The following TMEM132D variants were observed in gnomAD, a reference collection of about 807,000 sequenced individuals.
TMEM132D encodes the protein transmembrane protein 132D.
In TMEM132D, 21 loss-of-function variants were observed where a neutral mutation model predicts 62.3. The ratio of observed to expected loss-of-function variants is 0.34; its 90% confidence interval spans 0.24 to 0.49. TMEM132D has a LOEUF of 0.49. Among genes scored for constraint, TMEM132D ranks in the 20% least tolerant of loss-of-function variants. TMEM132D has a pLI of 0.99. For synonymous variants in TMEM132D, 621 were observed against 575.6 expected, an observed-to-expected ratio of 1.08 and a Z score of -1.13; for missense variants, 1,346 against 1,402.8, an observed-to-expected ratio of 0.96 and a Z score of 0.65.
In TMEM132D at chr12:129,616,378, CCTT is replaced by C. The variant is rs369420820; in HGVS notation, c.968+83429_968+83431del. On this transcript the variant is annotated intron_variant, in intron 2 of 8. Transcript: ENST00000422113. ...GACACCATGACTGAGGGGTCTTTGG[CCTT>C]CTTTTTCATTGAGGGGCACAGTGGT... Among the ~76,000 whole-genome samples the C allele has an allele frequency of 7.8e-4, 119 of 152,124 alleles. No individual in the cohort carries two copies. The East Asian group carries it at 0.018, about 23-fold the overall frequency.
intron 3 of TMEM132D, among the ~76,000 whole-genome samples, chr12:129,455,862 AG>A (rs996675633): frequency 1.3e-5 from 2 of 152,220 alleles, no homozygotes; most frequent in African/African-American, 2.4e-5. Context: ...GGAGCCAGAG[AG>A]TTTTAATACA....
intron 2 of TMEM132D, among the ~76,000 whole-genome samples, chr12:129,616,096 CT>C (rs1256277082): frequency 6.6e-6 from 1 of 152,214 alleles, no homozygotes; most frequent in Non-Finnish European, 1.5e-5. Context: ...CACTTTTATT[CT>C]ACTTCCTTGT....
chr12:129,086,853 AT>A (rs1296199388), intron 5 of TMEM132D, among the ~76,000 whole-genome samples: 2 of 151,816 alleles, frequency 1.3e-5, no homozygotes, highest in Non-Finnish European at 2.9e-5. Context: ...CAATGTAATG[AT>A]TTTTCTTTTC....
At chr12:129,395,519 G>A (rs1238770370) in intron 3 of TMEM132D, among the ~76,000 whole-genome samples, 2 of 151,930 alleles carry the variant, frequency 1.3e-5, no homozygotes, top group Admixed American at 6.6e-5. Context: ...TCACTGCAAC[G>A]TTTTATCCTA....
chr12:129,158,993 G>C (rs1877322363), intron 5 of TMEM132D, among the ~76,000 whole-genome samples: 1 of 152,178 alleles, frequency 6.6e-6, no homozygotes, highest in Admixed American at 6.5e-5. Context: ...TCACAAGAAT[G>C]CATGGGAGAA....
chr12:129,878,958 C>T, intron 1 of TMEM132D, among the ~76,000 whole-genome samples: 1 of 152,202 alleles, frequency 6.6e-6, no homozygotes, highest in South Asian at 2.1e-4. Flanking sequence ...GCCCTCCAGC[C>T]TAGAGAGGGC....
chr12:129,144,407 G>C (rs905798306), intron 5 of TMEM132D, among the ~76,000 whole-genome samples: 15 of 152,252 alleles, frequency 9.9e-5, no homozygotes, highest in African/African-American at 3.4e-4. Context: ...TAAGAACAGA[G>C]GCTTGGTAAG....
At chr12:129,807,646 C>A (rs1872036086) in intron 1 of TMEM132D, among the ~76,000 whole-genome samples, 1 of 152,166 alleles carries the variant, frequency 6.6e-6, no homozygotes. Flanking sequence ...TTGTTAACAT[C>A]TGTCTTCCGA....
At chr12:129,703,696 G>T (rs1362008085) in intron 1 of TMEM132D, among the ~76,000 whole-genome samples, 1 of 152,008 alleles carries the variant, frequency 6.6e-6, no homozygotes, top group Admixed American at 6.6e-5. Context: ...TTTTTGATTG[G>T]GTTCCGTGGC....
At chr12:129,801,908 C>T (rs1463123633) in intron 1 of TMEM132D, among the ~76,000 whole-genome samples, 6 of 151,402 alleles carry the variant, frequency 4.0e-5, no homozygotes, top group South Asian at 2.1e-4. Flanking sequence ...CCTCAGGAGC[C>T]GATGCGATCA....
chr12:129,738,945 T>C (rs1869512925), intron 1 of TMEM132D, among the ~76,000 whole-genome samples: 1 of 152,116 alleles, frequency 6.6e-6, no homozygotes, highest in Admixed American at 6.5e-5. Context: ...AGTGAGGTGG[T>C]GCCATAACTG....
At chr12:129,588,318 A>C (rs1878087426) in intron 2 of TMEM132D, among the ~76,000 whole-genome samples, 1 of 152,228 alleles carries the variant, frequency 6.6e-6, no homozygotes, top group Non-Finnish European at 1.5e-5. Context: ...CTCGCTGGCT[A>C]ACCAGCATGA....
At chr12:129,778,421 A>G (rs1329581566) in intron 1 of TMEM132D, among the ~76,000 whole-genome samples, 1 of 152,226 alleles carries the variant, frequency 6.6e-6, no homozygotes, top group East Asian at 1.9e-4. Flanking sequence ...GCAGCTGCCG[A>G]TGGACAAGAA....
At chr12:129,585,730 A>C (rs1878007002) in intron 2 of TMEM132D, among the ~76,000 whole-genome samples, 1 of 152,198 alleles carries the variant, frequency 6.6e-6, no homozygotes, top group Non-Finnish European at 1.5e-5. Context: ...CACAAAGATG[A>C]GAAATATAAA....
intron 2 of TMEM132D, among the ~76,000 whole-genome samples, chr12:129,537,586 G>A (rs1225465465): frequency 4.0e-5 from 6 of 148,432 alleles, no homozygotes; most frequent in Non-Finnish European, 4.4e-5. Flanking sequence ...CTGCCCTTCT[G>A]GTGGGTAAAG....
chr12:129,291,815 A>C (rs1248331616), intron 4 of TMEM132D, among the ~76,000 whole-genome samples: 1 of 152,180 alleles, frequency 6.6e-6, no homozygotes, highest in East Asian at 1.9e-4. Flanking sequence ...TCAGAGAAAG[A>C]AAGCCTGATT....
At position 129,797,162 on chromosome 12, in the gene TMEM132D, C is replaced by T. The variant is rs146714533; in HGVS notation, c.80-96464G>A. On this transcript the variant is annotated intron_variant, in intron 1 of 8. Transcript: ENST00000422113. ...TAGAATTTCCCCACAGCCCAGGCATCGCGGGAGGGTGGCAATGGCTTCTGA... is the reference window on the plus strand; with the variant it reads ...TAGAATTTCCCCACAGCCCAGGCATTGCGGGAGGGTGGCAATGGCTTCTGA... Among the ~76,000 whole-genome samples, 20 of 152,290 alleles carry T rather than the reference C, an allele frequency of 1.3e-4. No individual in the cohort carries two copies. In the East Asian group the frequency reaches 2.1e-3, roughly 16 times the overall value.
chr12:129,460,750 T>C (rs1480092941), intron 3 of TMEM132D, among the ~76,000 whole-genome samples: 2 of 152,230 alleles, frequency 1.3e-5, no homozygotes, highest in Non-Finnish European at 2.9e-5. Flanking sequence ...ATGTTTCTTA[T>C]GTGTTTCTAT....
intron 2 of TMEM132D, among the ~76,000 whole-genome samples, chr12:129,616,647 G>T (rs948137820): frequency 6.6e-6 from 1 of 152,128 alleles, no homozygotes; most frequent in Non-Finnish European, 1.5e-5. Context: ...TCCCTCTTTT[G>T]TTCGGCACTT....
Sources: gnomAD v4.1 joint callset for allele counts (sites outside exome capture counted in the v4.1 genomes callset) on GRCh38, gnomAD v4.1.1 for gene constraint, MANE v1.5 for transcripts, NCBI Gene and HGNC (gene_info 2026-07-23, HGNC 2026-07-21) for gene names.